Variants in BORCS6 observed in about 807,000 individuals in gnomAD.
BORCS6 encodes the protein BLOC-1 related complex subunit 6.
BORCS6 carries 12 observed loss-of-function variants against 17.0 expected under a neutral mutation model. That is an observed-to-expected ratio of 0.71 (90% CI 0.45 to 1.15). The LOEUF (loss-of-function observed/expected upper bound fraction) is 1.15, where lower values mean the gene tolerates loss of function less well. Ranked by LOEUF, BORCS6 falls within the 50% of genes most tolerant of loss-of-function variation. BORCS6 has a pLI of 0.00. For missense variants in BORCS6, 513 were observed against 515.0 expected, an observed-to-expected ratio of 1.00 and a Z score of 0.04; for synonymous variants, 262 against 241.7, an observed-to-expected ratio of 1.08 and a Z score of -0.78.
Position 8,189,758 on chromosome 17 carries a change from C to T in BORCS6, c.383G>A (p.Arg128Gln), listed in dbSNP as rs752549079. 2 of 1,600,004 alleles carry T rather than the reference C, an allele frequency of 1.3e-6. No individual in the cohort carries two copies. The highest frequency in any genetic ancestry group is 1.7e-5 in the Admixed American group (1 of 59,946). The change falls in exon 1 of 1, where the codon CGA becomes CAA. Residue 128 changes from arginine to glutamine, a missense_variant. Transcript: ENST00000389017. The surrounding 1 kb of genome is among the most constrained non-coding windows in gnomAD (Gnocchi z 7.8). ...ATCCATCCCGCCGCCTGGTCCCCCT[C>T]GACGGCAGTCCCTCCCGGAGGAGGG... Reference protein sequence around the residue: ...GKPSSGRDCRRGGPGGGMDVE... With the variant: ...GKPSSGRDCRQGGPGGGMDVE...
Position 8,190,162 on chromosome 17 carries a change from G to T in BORCS6, c.-22C>A, listed in dbSNP as rs1984611376. ...CCATACTGCAGGTGGGGGCCGCAACGGAGGAATTGGTTCGCCCCGGCTCCG... is the reference window on the plus strand; with the variant it reads ...CCATACTGCAGGTGGGGGCCGCAACTGAGGAATTGGTTCGCCCCGGCTCCG... On this transcript the variant is annotated 5_prime_UTR_variant, in exon 1 of 1. Transcript: ENST00000389017. The T allele has an allele frequency of 6.5e-7, 1 of 1,532,946 alleles. No homozygotes were observed. The highest frequency in any genetic ancestry group is 8.8e-7 in the Non-Finnish European group (1 of 1,141,142). 95.0% of individuals were successfully genotyped at this position (1,532,946 alleles called of 1,614,324 possible). A position where few individuals can be genotyped will look rare whatever the true frequency, so the allele number is the denominator to read the frequency against.
Position 8,188,787 on chromosome 17 carries a change from C to G in BORCS6, c.*280G>C. The G allele has an allele frequency of 2.0e-6, 1 of 502,468 alleles. No homozygotes were observed. The allele number at this position is 502,468 out of a possible 1,614,324, so 31.1% of individuals were successfully genotyped here. A position where few individuals can be genotyped will look rare whatever the true frequency, so the allele number is the denominator to read the frequency against. On this transcript the variant is annotated 3_prime_UTR_variant, in exon 1 of 1. Transcript: ENST00000389017. ...GCCCCGTGTTCCCAGGGCTGGTGCT[C>G]TAGCTAGGGAGGAGAGTTGGGAAGA...
At position 8,189,896 on chromosome 17, in the gene BORCS6, G is replaced by A. The variant is rs1364554433; in HGVS notation, c.245C>T (p.Pro82Leu). The stretch of plus-strand genomic sequence containing the variant: ...CCCAGACAGCGTCCCTTGAGGGCCG[G>A]GCTCGTTCTCCAGAGCCTCCCGTTC... ...RPEREALENEPGPQGTLSGAG... is the reference protein window; with the variant it reads ...RPEREALENELGPQGTLSGAG... The change falls in exon 1 of 1, where the codon CCC (proline) becomes CTC (leucine). Residue 82 changes from proline to leucine, a missense_variant. Pro to Leu is a moderately conservative substitution (Grantham distance 98). Transcript: ENST00000389017. This position sits in a 1 kb window ranked among gnomAD's most constrained non-coding sequence, Gnocchi z 7.8. 14 of 1,547,472 alleles carry A rather than the reference G, an allele frequency of 9.0e-6. No homozygotes were observed. The highest frequency in any genetic ancestry group is 1.1e-5 in the Non-Finnish European group (13 of 1,146,632).
In BORCS6 at chr17:8,189,988, A is replaced by T; in HGVS notation, c.153T>A (p.Val51=). The T allele has an allele frequency of 6.5e-7, 1 of 1,549,768 alleles. No individual in the cohort carries two copies. The highest frequency in any genetic ancestry group is 1.2e-5 in the South Asian group (1 of 84,034). The change falls in exon 1 of 1, where the codon GTT becomes GTA. Residue 51 remains valine (V), a synonymous_variant. Transcript: ENST00000389017. The surrounding 1 kb of genome is among the most constrained non-coding windows in gnomAD (Gnocchi z 7.8). ...RVSGEEETEN[V]GGANRHPRTS... Reference sequence around the variant, plus strand: ...TCCTGGGGTGGCGGTTCGCGCCCCCAACGTTCTCGGTCTCTTCCTCCCCGG... The same window carrying T: ...TCCTGGGGTGGCGGTTCGCGCCCCCTACGTTCTCGGTCTCTTCCTCCCCGG...
At position 8,189,040 on chromosome 17, in the gene BORCS6, C is replaced by T; in HGVS notation, c.*27G>A. The T allele has an allele frequency of 1.2e-6, 2 of 1,613,858 alleles. No homozygotes were observed. Among genetic ancestry groups the T allele is most frequent in the South Asian group, 1.1e-5 (1 of 91,050 alleles). On this transcript the variant is annotated 3_prime_UTR_variant, in exon 1 of 1. Transcript: ENST00000389017. This position sits in a 1 kb window ranked among gnomAD's most constrained non-coding sequence, Gnocchi z 7.8. ...GGGTCCTGCTGGGCCCTGCCCTGGC[C>T]AGGACCGGCCTCTCCTGTCCTCCTG...
rs202045414 is a variant in BORCS6, at chr17:8,190,110, C to G, written c.31G>C (p.Glu11Gln). Residue 11 changes from glutamate to glutamine, a missense_variant, in exon 1 of 1, where the codon GAG becomes CAG. Coordinates refer to ENST00000389017, the MANE Select transcript of BORCS6 (RefSeq NM_017622.3). MESSRGRPGPETDLLAVAEHQ... is the reference protein window; with the variant it reads MESSRGRPGPQTDLLAVAEHQ... ...TCCGCTACAGCCAGAAGGTCCGTCT[C>G]GGGCCCGGGCCGCCCCCGAGACGAC... 314 of 1,549,758 alleles carry G rather than the reference C, an allele frequency of 2.0e-4. 5 individuals carry two copies. The East Asian group carries it at 7.5e-3, about 37-fold the overall frequency.
At position 8,189,124 on chromosome 17, in the gene BORCS6, C is replaced by G. The variant is rs1333499977; in HGVS notation, c.1017G>C (p.Ala339=). 6.2e-7 allele frequency: 1 copy of G among 1,614,138 alleles called. No individual in the cohort carries two copies. The highest frequency in any genetic ancestry group is 1.7e-5 in the Admixed American group (1 of 60,032). Residue 339 remains alanine (A), a synonymous_variant, in exon 1 of 1, where the codon GCG becomes GCC. Coordinates refer to ENST00000389017, the MANE Select transcript of BORCS6 (RefSeq NM_017622.3). This position sits in a 1 kb window ranked among gnomAD's most constrained non-coding sequence, Gnocchi z 7.8. The part of the protein sequence containing the change: ...ERALQPVQGL[A]RQVRDIRRTL... ...TACGTCGGATATCCCGGACTTGGCG[C>G]GCCAGCCCCTGAACCGGCTGCAGAG...
In BORCS6 at chr17:8,189,706, G is replaced by C; in HGVS notation, c.435C>G (p.Asn145Lys). The stretch of plus-strand genomic sequence containing the variant: ...TGCTGCCCGCGGCCGCCTCCTCGTC[G>C]TTGTCTTCCTCCTCCTGCTGCTCAA... ...MDVEQQEEED[N>K]DEEAAAGSRA... The change falls in exon 1 of 1, where the codon AAC becomes AAG. Residue 145 changes from asparagine to lysine, a missense_variant. Asn to Lys is a moderately conservative substitution (Grantham distance 94). Coordinates refer to ENST00000389017, the MANE Select transcript of BORCS6 (RefSeq NM_017622.3). This position sits in a 1 kb window ranked among gnomAD's most constrained non-coding sequence, Gnocchi z 7.8. 1.3e-6 allele frequency: 2 copies of C among 1,598,916 alleles called. No homozygotes were observed. The highest frequency in any genetic ancestry group is 1.7e-6 in the Non-Finnish European group (2 of 1,179,632).
chr17:8,189,583 C>G lies in BORCS6; in HGVS notation c.558G>C (p.Glu186Asp). 6.3e-7 allele frequency: 1 copy of G among 1,593,370 alleles called. No individual in the cohort carries two copies. Among genetic ancestry groups the G allele is most frequent in the Non-Finnish European group, 8.5e-7 (1 of 1,173,080 alleles). The change falls in exon 1 of 1, where the codon GAG (glutamate) becomes GAC (aspartate). Residue 186 changes from glutamate to aspartate, a missense_variant. Glu to Asp is a conservative substitution (Grantham distance 45). Transcript: ENST00000389017. This position sits in a 1 kb window ranked among gnomAD's most constrained non-coding sequence, Gnocchi z 7.8. ...CGCGGCGTCCGCCGCCCGCGCCGGA[C>G]TCGGCACTCCCTGAGGACCCGGCGC... ...CGGAGSSGSA[E>D]SGAGGGRRAT...
chr17:8,188,886 T>G lies in BORCS6; in HGVS notation c.*181A>C. On this transcript the variant is annotated 3_prime_UTR_variant, in exon 1 of 1. Coordinates refer to ENST00000389017, the MANE Select transcript of BORCS6 (RefSeq NM_017622.3). ...TTCCCACCAGGAGAGCCGTTAGAAC[T>G]TCCCCACATACACCAGCCTAAGGCC... 3 of 861,834 alleles carry G rather than the reference T, an allele frequency of 3.5e-6. No individual in the cohort carries two copies. The South Asian group carries it at 5.2e-5, about 15-fold the overall frequency. 53.4% of individuals were successfully genotyped at this position (861,834 alleles called of 1,614,324 possible). A position where few individuals can be genotyped will look rare whatever the true frequency, so the allele number is the denominator to read the frequency against.
rs745448908 is a variant in BORCS6 at position 8,189,929 on chromosome 17, T to C, written c.212A>G (p.His71Arg). The change falls in exon 1 of 1, where the codon CAC becomes CGC. Residue 71 changes from histidine (H) to arginine (R), a missense_variant. Physicochemically the swap from His to Arg is conservative, Grantham distance 29. Transcript: ENST00000389017. This position sits in a 1 kb window ranked among gnomAD's most constrained non-coding sequence, Gnocchi z 7.8. ...CTCCAGAGCCTCCCGTTCCGGCCGG[T>C]GGACGACGCCGCAGCTTGACGTCTT... is the stretch of plus-strand genomic sequence containing the variant. ...SPKTSSCGVV[H>R]RPEREALENE... The C allele has an allele frequency of 1.9e-6, 3 of 1,548,882 alleles. No homozygotes were observed. The highest frequency in any genetic ancestry group is 1.4e-5 in the African/African-American group (1 of 73,100).
chr17:8,189,447 G>C lies in BORCS6; in HGVS notation c.694C>G (p.Pro232Ala). The C allele has an allele frequency of 6.4e-7, 1 of 1,567,918 alleles. No individual in the cohort carries two copies. The highest frequency in any genetic ancestry group is 1.2e-5 in the South Asian group (1 of 86,862). Reference protein sequence around the residue: ...QLKIRLSGAPPPPPSAPARPC... With the variant: ...QLKIRLSGAPAPPPSAPARPC... ...CGCGCAGGGGCAGAAGGCGGGGGTG[G>C]AGGCGCGCCGCTCAGACGGATCTTG... The change falls in exon 1 of 1, where the codon CCA becomes GCA. Residue 232 changes from proline to alanine, a missense_variant. Pro to Ala is a conservative substitution (Grantham distance 27, BLOSUM62 -1). Coordinates refer to ENST00000389017, the MANE Select transcript of BORCS6 (RefSeq NM_017622.3). This position sits in a 1 kb window ranked among gnomAD's most constrained non-coding sequence, Gnocchi z 7.8.
At position 8,189,778 on chromosome 17, in the gene BORCS6, G is replaced by A; in HGVS notation, c.363C>T (p.Ser121=). 1 of 1,600,264 alleles carries A rather than the reference G, an allele frequency of 6.2e-7. No individual in the cohort carries two copies. Among genetic ancestry groups the A allele is most frequent in the Non-Finnish European group, 8.5e-7 (1 of 1,178,942 alleles). The part of the protein sequence containing the change: ...KNPAPPEGKP[S]SGRDCRRGGP... Reference sequence around the variant, plus strand: ...CCCCTCGACGGCAGTCCCTCCCGGAGGAGGGCTTGCCCTCGGGCGGCGCCG... The same window carrying A: ...CCCCTCGACGGCAGTCCCTCCCGGAAGAGGGCTTGCCCTCGGGCGGCGCCG... The change falls in exon 1 of 1, where the codon TCC becomes TCT. Residue 121 remains serine, a synonymous_variant. Coordinates refer to ENST00000389017, the MANE Select transcript of BORCS6 (RefSeq NM_017622.3). The surrounding 1 kb of genome is among the most constrained non-coding windows in gnomAD (Gnocchi z 7.8).
rs1412793123 is a variant in BORCS6, at chr17:8,189,608, C to T, written c.533G>A (p.Gly178Asp). 25 of 1,597,322 alleles carry T rather than the reference C, an allele frequency of 1.6e-5. No individual in the cohort carries two copies. Among genetic ancestry groups the T allele is most frequent in the Non-Finnish European group, 2.1e-5 (25 of 1,176,754 alleles). ...CTCGGCACTCCCTGAGGACCCGGCG[C>T]CACCGCACGCCTCGCTCAGCCCGTC... is the stretch of plus-strand genomic sequence containing the variant. ...SLDGLSEACG[G>D]AGSSGSAESG... The change falls in exon 1 of 1, where the codon GGC (glycine) becomes GAC (aspartate). Residue 178 changes from glycine to aspartate, a missense_variant. Coordinates refer to ENST00000389017, the MANE Select transcript of BORCS6 (RefSeq NM_017622.3). The surrounding 1 kb of genome is among the most constrained non-coding windows in gnomAD (Gnocchi z 7.8).
chr17:8,190,094 G>T lies in BORCS6; in HGVS notation c.47C>A (p.Ala16Asp). The change falls in exon 1 of 1, where the codon GCT becomes GAT. Residue 16 changes from alanine (A) to aspartate (D), a missense_variant. Ala to Asp is a moderately radical substitution (Grantham distance 126, BLOSUM62 -2). Coordinates refer to ENST00000389017, the MANE Select transcript of BORCS6 (RefSeq NM_017622.3). Reference protein sequence around the residue: ...GRPGPETDLLAVAEHQALVFG... With the variant: ...GRPGPETDLLDVAEHQALVFG... ...GACTAGGGCCTGATGTTCCGCTACAGCCAGAAGGTCCGTCTCGGGCCCGGG... is the reference window on the plus strand; with the variant it reads ...GACTAGGGCCTGATGTTCCGCTACATCCAGAAGGTCCGTCTCGGGCCCGGG... The T allele has an allele frequency of 6.5e-7, 1 of 1,550,286 alleles. No homozygotes were observed. The highest frequency in any genetic ancestry group is 2.0e-5 in the Admixed American group (1 of 50,984).
Position 8,190,096 on chromosome 17 carries a change from C to A in BORCS6, c.45G>T (p.Leu15=). 1 of 1,550,232 alleles carries A rather than the reference C, an allele frequency of 6.5e-7. No homozygotes were observed. Among genetic ancestry groups the A allele is most frequent in the South Asian group, 1.2e-5 (1 of 84,036 alleles). The change falls in exon 1 of 1, where the codon CTG becomes CTT. Residue 15 remains leucine, a synonymous_variant. Transcript: ENST00000389017. ...RGRPGPETDL[L]AVAEHQALVF... ...CTAGGGCCTGATGTTCCGCTACAGC[C>A]AGAAGGTCCGTCTCGGGCCCGGGCC...
rs374854987 is a variant in BORCS6 at position 8,189,318 on chromosome 17, C to G, written c.823G>C (p.Val275Leu). 9.9e-6 allele frequency: 16 copies of G among 1,613,244 alleles called. No individual in the cohort carries two copies. Among genetic ancestry groups the G allele is most frequent in the Non-Finnish European group, 1.4e-5 (16 of 1,179,826 alleles). ...ERLSRELGGR[V>L]DRLLRGLGGA... Reference sequence around the variant, plus strand: ...CCCAGACCGCGAAGCAGACGGTCCACCCGGCCTCCCAGCTCCCGACTCAAC... The same window carrying G: ...CCCAGACCGCGAAGCAGACGGTCCAGCCGGCCTCCCAGCTCCCGACTCAAC... The change falls in exon 1 of 1, where the codon GTG (valine) becomes CTG (leucine). Residue 275 changes from valine (V) to leucine (L), a missense_variant. Val to Leu is a conservative substitution (Grantham distance 32, BLOSUM62 1). Coordinates refer to ENST00000389017, the MANE Select transcript of BORCS6 (RefSeq NM_017622.3). This position sits in a 1 kb window ranked among gnomAD's most constrained non-coding sequence, Gnocchi z 7.8.
At position 8,189,822 on chromosome 17, in the gene BORCS6, A is replaced by T. The variant is rs1182260089; in HGVS notation, c.319T>A (p.Ser107Thr). The T allele has an allele frequency of 6.3e-7, 1 of 1,578,126 alleles. No individual in the cohort carries two copies. The highest frequency in any genetic ancestry group is 1.4e-5 in the African/African-American group (1 of 73,910). Residue 107 changes from serine (S) to threonine (T), a missense_variant, in exon 1 of 1, where the codon TCC becomes ACC. Ser to Thr is a moderately conservative substitution (Grantham distance 58). Transcript: ENST00000389017. This position sits in a 1 kb window ranked among gnomAD's most constrained non-coding sequence, Gnocchi z 7.8. ...APGAEHEPSL[S>T]SRHKNPAPPE... ...GGCGCCGGGTTCTTGTGCCGGGAGG[A>T]CAGGGAAGGTTCGTGCTCTGCACCC... is the stretch of plus-strand genomic sequence containing the variant.
In BORCS6 at chr17:8,188,984, C is replaced by A; in HGVS notation, c.*83G>T. ...CACACAGGCCTCCCCTCAGTGGGCA[C>A]TTCCCACCAGGACTCCCTGAAGAGT... is the stretch of plus-strand genomic sequence containing the variant. On this transcript the variant is annotated 3_prime_UTR_variant, in exon 1 of 1. Coordinates refer to ENST00000389017, the MANE Select transcript of BORCS6 (RefSeq NM_017622.3). The A allele has an allele frequency of 6.3e-7, 1 of 1,588,104 alleles. No homozygotes were observed. The highest frequency in any genetic ancestry group is 8.5e-7 in the Non-Finnish European group (1 of 1,169,738).
Sources: allele counts gnomAD v4.1 joint callset, GRCh38; gene constraint gnomAD v4.1.1; non-coding constraint Gnocchi (gnomAD v3.1); transcripts MANE v1.5; gene names NCBI Gene and HGNC (gene_info 2026-07-23, HGNC 2026-07-21).